NMD3: variants seen among roughly 807,000 people sequenced by gnomAD.
NMD3 encodes the protein NMD3 ribosome export adaptor, also known as 60S ribosomal export protein NMD3.
A neutral mutation model predicts 73.1 loss-of-function variants in NMD3; 47 were observed. That is an observed-to-expected ratio of 0.64 (90% CI 0.51 to 0.82). The LOEUF is 0.82. Ranked by LOEUF, NMD3 falls within the 40% of genes least tolerant of loss-of-function variation. The pLI is 0.00. For synonymous variants in NMD3, 210 were observed against 194.5 expected, an observed-to-expected ratio of 1.08 and a Z score of -0.66; for missense variants, 554 against 612.5, an observed-to-expected ratio of 0.90 and a Z score of 1.01.
downstream of NMD3, chr3:161,252,765 G>A: frequency 1.5e-6 from 1 of 657,726 alleles, no homozygotes; most frequent in Admixed American, 2.5e-5. Context: ...ATTTTTTTTT[G>A]TAGCCAAATC....
At chr3:161,222,421 C>T (rs1736143837) in intron 2 of NMD3, among the ~76,000 whole-genome samples, 1 of 151,466 alleles carries the variant, frequency 6.6e-6, no homozygotes, top group Non-Finnish European at 1.5e-5. Flanking sequence ...TCTCGGCTCA[C>T]TGCAACCTCC....
At chr3:161,238,542 G>A (rs1362050982) in intron 8 of NMD3, among the ~76,000 whole-genome samples, 188 bp from the exon 9 acceptor site, 1 of 152,166 alleles carries the variant, frequency 6.6e-6, no homozygotes, top group Non-Finnish European at 1.5e-5. Context: ...AAAATAGGTA[G>A]GGCTTAGTTA....
At chr3:161,247,112 T>C in intron 12 of NMD3, 146 bp from the exon 13 acceptor site, 2 of 568,868 alleles carry the variant, frequency 3.5e-6, no homozygotes, top group Non-Finnish European at 3.2e-6. Context: ...CAGAAGCATG[T>C]TCATTGTGTA....
intron 2 of NMD3, among the ~76,000 whole-genome samples, chr3:161,223,786 T>C (rs1245256712): frequency 6.6e-6 from 1 of 152,244 alleles, no homozygotes; most frequent in East Asian, 1.9e-4. Context: ...GGATTTTCTT[T>C]TTGGTTTTTG....
chr3:161,238,120 G>A lies in NMD3; in HGVS notation c.585G>A (p.Leu195=). 6.3e-7 allele frequency: 1 copy of A among 1,577,044 alleles called. No homozygotes were observed. ...TLRIKEIHDG[L]DFYYSSKQHA... ...TTTTTTTTTTTTTTTAAGATGGTCT[G>A]GATTTTTATTATTCCTCAAAACAAC... is the stretch of plus-strand genomic sequence containing the variant. The change falls in exon 8 of 16, where the codon CTG becomes CTA. Residue 195 remains leucine, a synonymous_variant. Coordinates refer to ENST00000351193, the MANE Select transcript of NMD3 (RefSeq NM_015938.5).
chr3:161,227,178 T>G lies in NMD3; in HGVS notation c.180-69T>G, dbSNP rs925390528. 6.2e-6 allele frequency: 6 copies of G among 964,226 alleles called. No individual in the cohort carries two copies. In the Admixed American group the frequency reaches 1.2e-4, roughly 19 times the overall value. The allele number at this position is 964,226 out of a possible 1,614,324, so 59.7% of individuals were successfully genotyped here. On this transcript the variant is annotated intron_variant, in intron 3 of 15. Coordinates refer to ENST00000351193, the MANE Select transcript of NMD3 (RefSeq NM_015938.5). Reference sequence around the variant, plus strand: ...TGGTTAATAATTTGGGTTATATCTGTGTATTCAGATGGAAATTTCTGTGTT... The same window carrying G: ...TGGTTAATAATTTGGGTTATATCTGGGTATTCAGATGGAAATTTCTGTGTT...
In NMD3 at chr3:161,238,169, C is replaced by A. The variant is rs1417024592; in HGVS notation, c.634C>A (p.Leu212Ile). ...KQHAQKMVEFLQCTVPCRYKA... is the reference protein window; with the variant it reads ...KQHAQKMVEFIQCTVPCRYKA... ...ACATGCTCAGAAGATGGTCGAATTT[C>A]TTCAGTGTACAGTTCCCTGTAGGTA... is the stretch of plus-strand genomic sequence containing the variant. Residue 212 changes from leucine to isoleucine, a missense_variant, in exon 8 of 16, where the codon CTT (leucine) becomes ATT (isoleucine). Transcript: ENST00000351193. 21 of 1,599,292 alleles carry A rather than the reference C, an allele frequency of 1.3e-5. No individual in the cohort carries two copies. The highest frequency in any genetic ancestry group is 1.8e-5 in the Non-Finnish European group (21 of 1,173,124).
chr3:161,230,070 G>T (rs1363587234), intron 4 of NMD3, among the ~76,000 whole-genome samples: 1 of 152,128 alleles, frequency 6.6e-6, no homozygotes, highest in East Asian at 1.9e-4. Context: ...GGTTGAAGGG[G>T]AAGTTGGGGA....
intron 1 of NMD3, chr3:161,221,725 G>A: frequency 3.5e-6 from 1 of 287,670 alleles, no homozygotes; most frequent in South Asian, 5.3e-5. Flanking sequence ...TGGAGCCCAG[G>A]TGAGATGGAG....
At chr3:161,230,642 C>G (rs187588301) in intron 4 of NMD3, among the ~76,000 whole-genome samples, 1 of 152,274 alleles carries the variant, frequency 6.6e-6, no homozygotes, top group East Asian at 1.9e-4. Context: ...GTATTCAGCA[C>G]TTACTCTTCA....
In NMD3 at chr3:161,242,492, C is replaced by G. The variant is rs1315188626; in HGVS notation, c.872-16C>G. ...ATAATTTTTCTTATGTTTTTGTGTT[C>G]TATCCTTATTTTTAGTGGCAGATAT... is the stretch of plus-strand genomic sequence containing the variant. On this transcript the variant is annotated splice_polypyrimidine_tract_variant and intron_variant, in intron 10 of 15. Transcript: ENST00000351193. 1 of 1,606,154 alleles carries G rather than the reference C, an allele frequency of 6.2e-7. No individual in the cohort carries two copies. Among genetic ancestry groups the G allele is most frequent in the East Asian group, 2.2e-5 (1 of 44,806 alleles).
At chr3:161,221,444 C>T (rs552093581) in intron 1 of NMD3, 35 bp downstream of exon 1, 1 of 152,466 alleles carries the variant, frequency 6.6e-6, no homozygotes, top group South Asian at 2.1e-4. Flanking sequence ...GGCTGTCGGC[C>T]GCGGGCCCCT....
At position 161,241,050 on chromosome 3, in the gene NMD3, A is replaced by T; in HGVS notation, c.758A>T (p.Asn253Ile). The T allele has an allele frequency of 6.2e-7, 1 of 1,601,804 alleles. No individual in the cohort carries two copies. The highest frequency in any genetic ancestry group is 8.5e-7 in the Non-Finnish European group (1 of 1,170,154). Reference sequence around the variant, plus strand: ...AATGTTAGTTCTTATGCCTAGGATAATGTTGTCTGTCTGTCTCCAAAACTG... The same window carrying T: ...AATGTTAGTTCTTATGCCTAGGATATTGTTGTCTGTCTGTCTCCAAAACTG... Reference protein sequence around the residue: ...SVEIVPICKDNVVCLSPKLAQ... With the variant: ...SVEIVPICKDIVVCLSPKLAQ... The change falls in exon 10 of 16, where the codon AAT becomes ATT. Residue 253 changes from asparagine to isoleucine, a missense_variant. Physicochemically the swap from Asn to Ile is moderately radical, Grantham distance 149. Transcript: ENST00000351193.
chr3:161,245,399 C>G (rs1419998700), intron 11 of NMD3, among the ~76,000 whole-genome samples: 1 of 151,738 alleles, frequency 6.6e-6, no homozygotes, highest in East Asian at 1.9e-4. Context: ...AAATTTCTTA[C>G]AAGCAGAAGT....
intron 5 of NMD3, among the ~76,000 whole-genome samples, chr3:161,233,997 A>T (rs1249263237): frequency 6.6e-6 from 1 of 152,176 alleles, no homozygotes; most frequent in Non-Finnish European, 1.5e-5. Flanking sequence ...GAAGTTTCAG[A>T]TTTTGAAGCT....
At chr3:161,221,171 C>G (rs1736050307), upstream of NMD3, 1 of 152,258 alleles carries the variant, frequency 6.6e-6, no homozygotes, top group Admixed American at 6.5e-5. Context: ...TGGGACTTCT[C>G]TCCGCGAGCT....
rs540529446 is a variant in NMD3 at position 161,232,186 on chromosome 3, A to G, written c.277-1213A>G. On this transcript the variant is annotated intron_variant, in intron 4 of 15. Coordinates refer to ENST00000351193, the MANE Select transcript of NMD3 (RefSeq NM_015938.5). ...CACTGCTGATGGAGATTGAAGGAAT[A>G]GGAATCTGCCTATCACCCTGTGTAC... 7.5e-5 allele frequency among the ~76,000 whole-genome samples: 11 copies of G among 146,078 alleles called. No individual in the cohort carries two copies. The South Asian group carries it at 2.0e-3, about 26-fold the overall frequency.
intron 12 of NMD3, 106 bp downstream of exon 12, chr3:161,246,554 G>T: frequency 4.2e-6 from 2 of 470,712 alleles, no homozygotes; most frequent in Admixed American, 3.4e-5. Context: ...TAAAAAGATC[G>T]AAGGGTTCTT....
intron 6 of NMD3, 124 bp from the exon 7 acceptor site, chr3:161,234,998 T>C: frequency 1.1e-6 from 1 of 950,036 alleles, no homozygotes; most frequent in Admixed American, 2.3e-5. Flanking sequence ...ACATTTTAGA[T>C]AATCTTTAAA....
Sources: allele counts gnomAD v4.1 joint callset (sites outside exome capture counted in the v4.1 genomes callset), GRCh38; gene constraint gnomAD v4.1.1; transcripts MANE v1.5; gene names NCBI Gene and HGNC (gene_info 2026-07-23, HGNC 2026-07-21).